The following ARMH3 variants were observed in gnomAD, a reference collection of about 807,000 sequenced individuals.
The protein encoded by ARMH3 is armadillo-like helical domain-containing protein 3.
Under a neutral mutation model 99.1 loss-of-function variants are expected in ARMH3, and 60 were observed. The observed-to-expected ratio is 0.61, with a 90% CI of 0.49 to 0.75. ARMH3 has a LOEUF of 0.75. ARMH3 is among the 30% of genes least tolerant of loss of function. The pLI is 0.00. For synonymous variants in ARMH3, 285 were observed against 292.8 expected, an observed-to-expected ratio of 0.97 and a Z score of 0.27; for missense variants, 679 against 843.1, an observed-to-expected ratio of 0.81 and a Z score of 2.41.
chr10:101,990,733 T>A, intron 18 of ARMH3, 122 bp from the exon 19 acceptor site: 1 of 718,944 alleles, frequency 1.4e-6, no homozygotes, highest in Non-Finnish European at 2.5e-6. Context: ...ACTAACCACA[T>A]CTTTATTCAT....
At position 101,864,074 on chromosome 10, in the gene ARMH3, A is replaced by ACACAC. The variant is rs563347789; in HGVS notation, c.1861-14183_1861-14182insGTGTG. ...AGACTCCATCTCAAAAAAAAAAAAA[A>ACACAC]AAAAACACACACACACACACACACA... On this transcript the variant is annotated intron_variant, in intron 24 of 25. Coordinates refer to ENST00000370033, the MANE Select transcript of ARMH3 (RefSeq NM_024541.3). Among the ~76,000 whole-genome samples, 896 of 128,866 alleles carry ACACAC rather than the reference A, an allele frequency of 7.0e-3. 3 individuals are homozygous for ACACAC. The highest frequency in any genetic ancestry group is 0.01 in the Non-Finnish European group (621 of 60,798). The allele number at this position is 128,866 out of a possible 152,430, so 84.5% of individuals were successfully genotyped here.
chr10:101,993,849 G>T (rs1286487281), intron 16 of ARMH3, among the ~76,000 whole-genome samples: 1 of 152,134 alleles, frequency 6.6e-6, no homozygotes, highest in Non-Finnish European at 1.5e-5. Flanking sequence ...AAATTAAGAC[G>T]CAGGGACTTA....
intron 23 of ARMH3, among the ~76,000 whole-genome samples, chr10:101,896,519 C>G (rs536422965): frequency 1.6e-4 from 24 of 152,142 alleles, no homozygotes; most frequent in African/African-American, 5.3e-4. Context: ...GTTGTACAAC[C>G]CTATGATTAT....
intron 19 of ARMH3, among the ~76,000 whole-genome samples, chr10:101,979,398 T>C (rs567931036): frequency 2.2e-4 from 34 of 152,238 alleles, no homozygotes; most frequent in Non-Finnish European, 3.4e-4. Context: ...ATTTCATTTA[T>C]ATAAAATGTC....
chr10:101,854,722 G>A (rs1250816399), intron 24 of ARMH3, among the ~76,000 whole-genome samples: 1 of 152,096 alleles, frequency 6.6e-6, no homozygotes, highest in Non-Finnish European at 1.5e-5. Context: ...CTAAGTTTTA[G>A]TTCCCAGTCA....
chr10:101,890,880 T>C (rs1245844358), intron 23 of ARMH3, among the ~76,000 whole-genome samples: 2 of 151,352 alleles, frequency 1.3e-5, no homozygotes, highest in African/African-American at 4.9e-5. Context: ...GTATTTTTTT[T>C]TTTTTTTTTT....
chr10:102,009,339 G>A (rs777509225), intron 13 of ARMH3, 35 bp downstream of exon 13: 1 of 1,567,504 alleles, frequency 6.4e-7, no homozygotes, highest in Non-Finnish European at 8.8e-7. Flanking sequence ...GAAATTTAGA[G>A]AGAAAAAAAC....
At chr10:101,922,091 C>T (rs950753631) in intron 23 of ARMH3, among the ~76,000 whole-genome samples, 1 of 152,136 alleles carries the variant, frequency 6.6e-6, no homozygotes, top group Non-Finnish European at 1.5e-5. Context: ...CCAAATATCA[C>T]GTGTACCCTA....
At chr10:102,008,679 A>G (rs989163891) in intron 13 of ARMH3, among the ~76,000 whole-genome samples, 2 of 151,700 alleles carry the variant, frequency 1.3e-5, no homozygotes, top group African/African-American at 4.8e-5. Context: ...CAGCCTCCCA[A>G]GTAGCTGGGA....
chr10:102,014,040 A>G lies in ARMH3; in HGVS notation c.670-16T>C. On this transcript the variant is annotated splice_polypyrimidine_tract_variant and intron_variant, in intron 8 of 25. Coordinates refer to ENST00000370033, the MANE Select transcript of ARMH3 (RefSeq NM_024541.3). ...GATTCACAGACTGTTAAATAAGAGAAGAGACTCCAGGTAAGTCTGACCTAG... is the reference window on the plus strand; with the variant it reads ...GATTCACAGACTGTTAAATAAGAGAGGAGACTCCAGGTAAGTCTGACCTAG... 2 of 1,599,106 alleles carry G rather than the reference A, an allele frequency of 1.3e-6. No individual in the cohort carries two copies. Among genetic ancestry groups the G allele is most frequent in the Non-Finnish European group, 1.7e-6 (2 of 1,172,112 alleles).
Position 101,846,310 on chromosome 10 carries a change from G to C in ARMH3, c.*1218C>G, listed in dbSNP as rs562544380. 6 of 152,672 alleles carry C rather than the reference G, an allele frequency of 3.9e-5. No homozygotes were observed. In the South Asian group the frequency reaches 1.0e-3, roughly 27 times the overall value. The allele number at this position is 152,672 out of a possible 1,614,324, so 9.5% of individuals were successfully genotyped here. On this transcript the variant is annotated 3_prime_UTR_variant, in exon 26 of 26. Transcript: ENST00000370033. ...TGGATGTAAACAACAGCAGGGTAAG[G>C]GGGTGGAACACGTGGAGGGGAGCTC...
chr10:101,906,592 T>G (rs928750131), intron 23 of ARMH3, among the ~76,000 whole-genome samples: 9 of 152,230 alleles, frequency 5.9e-5, no homozygotes, highest in African/African-American at 1.9e-4. Context: ...ACCTACTGAC[T>G]GGGTAGCAGA....
intron 22 of ARMH3, 104 bp downstream of exon 22, chr10:101,956,492 CA>C (rs910097657): frequency 2.1e-6 from 3 of 1,419,418 alleles, no homozygotes; most frequent in Non-Finnish European, 2.9e-6. Context: ...CTGTGCCACA[CA>C]GGGCACCAAA....
chr10:101,851,271 G>A (rs1039121296), intron 24 of ARMH3, among the ~76,000 whole-genome samples: 5 of 152,176 alleles, frequency 3.3e-5, no homozygotes, highest in Admixed American at 3.3e-4. Context: ...TGTGACTTCA[G>A]CTTGTAAGAT....
Position 102,012,878 on chromosome 10 carries a change from T to A in ARMH3, c.727-2A>T. On this transcript the variant is annotated splice_acceptor_variant, in intron 9 of 25. Coordinates refer to ENST00000370033, the MANE Select transcript of ARMH3 (RefSeq NM_024541.3). LOFTEE classifies it high-confidence loss of function. Reference sequence around the variant, plus strand: ...CTGAGCAATTACAAGTCCCATTCCCTAGAAGGGAAAAGATAGCACAGGTGA... The same window carrying A: ...CTGAGCAATTACAAGTCCCATTCCCAAGAAGGGAAAAGATAGCACAGGTGA... 6.2e-7 allele frequency: 1 copy of A among 1,606,912 alleles called. No individual in the cohort carries two copies. The highest frequency in any genetic ancestry group is 8.5e-7 in the Non-Finnish European group (1 of 1,175,986).
intron 23 of ARMH3, among the ~76,000 whole-genome samples, chr10:101,912,232 A>C (rs955337528): frequency 6.6e-6 from 1 of 151,894 alleles, no homozygotes; most frequent in Non-Finnish European, 1.5e-5. Flanking sequence ...GTCTCTACTA[A>C]AAATACAAAA....
intron 14 of ARMH3, among the ~76,000 whole-genome samples, chr10:102,004,481 C>A (rs1263997574): frequency 6.6e-6 from 1 of 152,094 alleles, no homozygotes; most frequent in Non-Finnish European, 1.5e-5. Flanking sequence ...CTTGATCTTC[C>A]CACTAGAAAA....
chr10:101,921,546 A>G (rs577846162), intron 23 of ARMH3, among the ~76,000 whole-genome samples: 12 of 152,346 alleles, frequency 7.9e-5, no homozygotes, highest in African/African-American at 2.4e-4. Context: ...TGTTTACTGC[A>G]GCTATTCACA....
chr10:102,047,122 G>C (rs1222856045), intron 1 of ARMH3, among the ~76,000 whole-genome samples: 2 of 152,170 alleles, frequency 1.3e-5, no homozygotes, highest in African/African-American at 4.8e-5. Context: ...GTTGATAGAT[G>C]TATCCAACAT....
Sources: gnomAD v4.1 joint callset for allele counts (sites outside exome capture counted in the v4.1 genomes callset) on GRCh38, gnomAD v4.1.1 for gene constraint, MANE v1.5 for transcripts, NCBI Gene and HGNC (gene_info 2026-07-23, HGNC 2026-07-21) for gene names.